The following PRUNE2 variants were observed in gnomAD, a reference collection of about 807,000 sequenced individuals.
The protein encoded by PRUNE2 is prune homolog 2 with BCH domain, also known as protein prune homolog 2.
Under a neutral mutation model 252.0 loss-of-function variants are expected in PRUNE2, and 164 were observed. That is an observed-to-expected ratio of 0.65 (90% CI 0.57 to 0.74). The LOEUF (loss-of-function observed/expected upper bound fraction) is 0.74, where lower values mean the gene tolerates loss of function less well. PRUNE2 is among the 30% of genes least tolerant of loss of function. The pLI, the probability that PRUNE2 is intolerant of heterozygous loss-of-function variation, is 0.00. For synonymous variants in PRUNE2, 1,292 were observed against 1,350.2 expected (o/e 0.96, Z 0.94); for missense variants, 3,495 against 3,711.0 (o/e 0.94, Z 1.51).
At chr9:76,904,837 T>C (rs2063388037) in intron 1 of PRUNE2, among the ~76,000 whole-genome samples, 2 of 152,238 alleles carry the variant, frequency 1.3e-5, no homozygotes, top group South Asian at 4.1e-4. Flanking sequence ...GCACTCTGAA[T>C]GGTGGTTCAG....
At chr9:76,852,826 ATCTATCTATCTATC>A (rs2132603450) in intron 2 of PRUNE2, among the ~76,000 whole-genome samples, 1 of 147,542 alleles carries the variant, frequency 6.8e-6, no homozygotes, top group Non-Finnish European at 1.5e-5. Context: ...CTATCTATCT[ATCTATCTATCTATC>A]TATCTATCCA....
intron 6 of PRUNE2, among the ~76,000 whole-genome samples, chr9:76,773,155 C>T (rs1165140535): frequency 1.3e-5 from 2 of 152,198 alleles, no homozygotes; most frequent in African/African-American, 2.4e-5. Context: ...GTTAAATTTA[C>T]TTCACCAAAG....
chr9:76,814,265 G>A (rs935535548), intron 6 of PRUNE2, among the ~76,000 whole-genome samples: 2 of 152,140 alleles, frequency 1.3e-5, no homozygotes, highest in Non-Finnish European at 2.9e-5. Flanking sequence ...AGAATATGCT[G>A]GTAGTGATAT....
intron 4 of PRUNE2, among the ~76,000 whole-genome samples, chr9:76,835,586 T>C (rs1276779515): frequency 1.3e-5 from 2 of 152,158 alleles, no homozygotes; most frequent in Non-Finnish European, 2.9e-5. Flanking sequence ...CATTTTGGTT[T>C]TATAACTAGC....
intron 6 of PRUNE2, among the ~76,000 whole-genome samples, chr9:76,750,868 GA>G (rs1422439495): frequency 1.3e-5 from 2 of 152,186 alleles, no homozygotes; most frequent in Admixed American, 1.3e-4. Context: ...ATATAATTGG[GA>G]AGTTGCTAAT....
rs12006156 is a variant in PRUNE2 at position 76,795,692 on chromosome 9, C to T, written c.756+27940G>A. On this transcript the variant is annotated intron_variant, in intron 6 of 18. Transcript: ENST00000376718. ...GAGATAAATGCAAATATTTTGTTCA[C>T]CGTAAAAATACAGAATTTTATTGAC... is the stretch of plus-strand genomic sequence containing the variant. Among the ~76,000 whole-genome samples, 1,462 of 152,204 alleles carry T rather than the reference C, an allele frequency of 9.6e-3. 21 individuals carry two copies. Among genetic ancestry groups the T allele is most frequent in the African/African-American group, 0.033 (1,388 of 41,532 alleles).
At chr9:76,733,922 GTTGT>G (rs142740562) in intron 6 of PRUNE2, among the ~76,000 whole-genome samples, 12,832 of 136,352 alleles carry the variant, frequency 0.094, 716 homozygotes, top group Non-Finnish European at 0.13. Flanking sequence ...AAAAGTTTTA[GTTGT>G]TTTTTTTTTT....
intron 6 of PRUNE2, among the ~76,000 whole-genome samples, chr9:76,715,647 T>C (rs1018881792): frequency 3.3e-5 from 5 of 152,262 alleles, no homozygotes; most frequent in East Asian, 3.8e-4. Context: ...TCAGCTTTCA[T>C]GCTTTTTATT....
chr9:76,808,368 C>T (rs1225715570), intron 6 of PRUNE2, among the ~76,000 whole-genome samples: 3 of 152,162 alleles, frequency 2.0e-5, no homozygotes, highest in Non-Finnish European at 4.4e-5. Flanking sequence ...CATTGTATCA[C>T]GTTAGGATAT....
chr9:76,781,722 G>T (rs1485418268), intron 6 of PRUNE2, among the ~76,000 whole-genome samples: 1 of 152,230 alleles, frequency 6.6e-6, no homozygotes, highest in Non-Finnish European at 1.5e-5. Flanking sequence ...TAAGAATTAT[G>T]TGTATTTTAG....
rs1235064438 is a variant in PRUNE2, at chr9:76,905,510, CACCTCCAGCTGA to C, written c.36+406_36+417del. 2.6e-5 allele frequency among the ~76,000 whole-genome samples: 4 copies of C among 152,222 alleles called. No individual in the cohort carries two copies. In the East Asian group the frequency reaches 5.8e-4, roughly 22 times the overall value. On this transcript the variant is annotated intron_variant, in intron 1 of 18. Coordinates refer to ENST00000376718, the MANE Select transcript of PRUNE2 (RefSeq NM_015225.3). Reference sequence around the variant, plus strand: ...AGCACCCTGACTTCCTCACTTTTGTCACCTCCAGCTGAAGTACAGTTCTAAGGGTCTCTTTTT... The same window carrying C: ...AGCACCCTGACTTCCTCACTTTTGTCAGTACAGTTCTAAGGGTCTCTTTTT...
At chr9:76,663,877 A>G (rs1429993717) in intron 9 of PRUNE2, among the ~76,000 whole-genome samples, 2 of 152,230 alleles carry the variant, frequency 1.3e-5, no homozygotes, top group African/African-American at 4.8e-5. Context: ...ATTAGATGGC[A>G]TAATCTCACA....
chr9:76,693,439 C>CTTTTTTTTTTTTTTTTT (rs550030416), intron 9 of PRUNE2, among the ~76,000 whole-genome samples: 1 of 108,062 alleles, frequency 9.3e-6, no homozygotes, highest in Non-Finnish European at 1.8e-5. Context: ...AGCACCTACT[C>CTTTTTTTTTTTTTTTTT]TTTTTTTTTT....
chr9:76,651,737 T>C (rs1420129434), intron 11 of PRUNE2, among the ~76,000 whole-genome samples: 1 of 152,208 alleles, frequency 6.6e-6, no homozygotes, highest in Non-Finnish European at 1.5e-5. Context: ...CTTTTAATTA[T>C]CTTCTTTTTT....
intron 18 of PRUNE2, chr9:76,614,948 TAA>T: frequency 3.3e-6 from 1 of 304,938 alleles, no homozygotes; most frequent in Middle Eastern, 1.3e-3. Flanking sequence ...TTTTATTTAA[TAA>T]GTGACCTTTC....
chr9:76,820,534 G>A (rs749554866), intron 6 of PRUNE2, among the ~76,000 whole-genome samples: 2 of 152,080 alleles, frequency 1.3e-5, no homozygotes, highest in Non-Finnish European at 2.9e-5. Context: ...GTCATCAGCC[G>A]TATAAAGGCC....
chr9:76,702,908 A>G (rs2046007067), intron 9 of PRUNE2, among the ~76,000 whole-genome samples: 1 of 152,158 alleles, frequency 6.6e-6, no homozygotes, highest in Admixed American at 6.5e-5. Context: ...AAAATTTCTG[A>G]GCCTTGAATC....
intron 6 of PRUNE2, among the ~76,000 whole-genome samples, chr9:76,719,110 CA>C (rs2047404854): frequency 6.6e-6 from 1 of 151,958 alleles, no homozygotes; most frequent in Non-Finnish European, 1.5e-5. Context: ...CATCAAGGGG[CA>C]GCTTTATTTT....
At chr9:76,716,615 A>C (rs184087452) in intron 6 of PRUNE2, among the ~76,000 whole-genome samples, 16 of 152,278 alleles carry the variant, frequency 1.1e-4, no homozygotes, top group African/African-American at 2.9e-4. Flanking sequence ...CACTGGATCA[A>C]GACTATATTT....
Sources: gnomAD v4.1 joint callset for allele counts (sites outside exome capture counted in the v4.1 genomes callset) on GRCh38, gnomAD v4.1.1 for gene constraint, MANE v1.5 for transcripts, NCBI Gene and HGNC (gene_info 2026-07-23, HGNC 2026-07-21) for gene names.